The following SMARCA2 variants were observed in gnomAD, a reference collection of about 807,000 sequenced individuals.
SMARCA2 encodes SWI/SNF related BAF chromatin remodeling complex subunit ATPase 2.
Under a neutral mutation model 199.8 loss-of-function variants are expected in SMARCA2, and 61 were observed. The observed-to-expected ratio is 0.31, with a 90% CI of 0.25 to 0.38. The LOEUF (loss-of-function observed/expected upper bound fraction) is 0.38. Ranked by LOEUF, SMARCA2 falls within the 10% of genes least tolerant of loss-of-function variation. The probability of loss-of-function intolerance (pLI) is 1.00; values close to 1 mark genes in which losing one functional copy is unlikely to be tolerated. For missense variants in SMARCA2, 1,344 were observed against 2,012.2 expected, an observed-to-expected ratio of 0.67 and a Z score of 6.35; for synonymous variants, 935 against 732.0, an observed-to-expected ratio of 1.28 and a Z score of -4.48.
At chr9:2,143,492 A>G (rs1824563596) in intron 27 of SMARCA2, among the ~76,000 whole-genome samples, 1 of 152,222 alleles carries the variant, frequency 6.6e-6, no homozygotes, top group African/African-American at 2.4e-5. Context: ...AAGAGGTCAA[A>G]GAAAGGGCAG....
intron 5 of SMARCA2, 24 bp downstream of exon 5, chr9:2,047,508 G>A (rs749630061): frequency 2.2e-6 from 3 of 1,371,134 alleles, no homozygotes; most frequent in South Asian, 1.8e-5. Flanking sequence ...CCAGCAAGGG[G>A]CCCCCTGCGG....
chr9:2,024,751 T>A (rs939883512), intron 1 of SMARCA2, among the ~76,000 whole-genome samples: 9 of 152,216 alleles, frequency 5.9e-5, no homozygotes, highest in African/African-American at 2.2e-4. Flanking sequence ...AGTGTTGGGC[T>A]GGGAGTCAAG....
At chr9:2,084,902 A>G (rs1470678147) in intron 17 of SMARCA2, among the ~76,000 whole-genome samples, 1 of 152,332 alleles carries the variant, frequency 6.6e-6, no homozygotes, top group Middle Eastern at 3.4e-3. Context: ...GTTCATGTAG[A>G]AAGATGGAAG....
At position 2,154,569 on chromosome 9, in the gene SMARCA2, G is replaced by C. The variant is rs538319112; in HGVS notation, c.3982-7117G>C. 6.6e-5 allele frequency among the ~76,000 whole-genome samples: 10 copies of C among 152,228 alleles called. No individual in the cohort carries two copies. The South Asian group carries it at 2.1e-3, about 32-fold the overall frequency. On this transcript the variant is annotated intron_variant, in intron 27 of 33. Transcript: ENST00000349721. Reference sequence around the variant, plus strand: ...GGGTGTAGTGACCTTCTGAAAGTCTGACTTGTTGCAGTAGCGTGGAACCCT... The same window carrying C: ...GGGTGTAGTGACCTTCTGAAAGTCTCACTTGTTGCAGTAGCGTGGAACCCT...
intron 4 of SMARCA2, chr9:2,040,101 A>C (rs1454641048): frequency 2.7e-6 from 3 of 1,103,542 alleles, no homozygotes; most frequent in Non-Finnish European, 3.8e-6. Context: ...AGTGTTTCTT[A>C]ACCTTAAAAG....
At chr9:2,175,826 G>C (rs1416797526) in intron 29 of SMARCA2, among the ~76,000 whole-genome samples, 1 of 152,002 alleles carries the variant, frequency 6.6e-6, no homozygotes, top group Admixed American at 6.6e-5. Context: ...TGTTGAGGTT[G>C]AAGTTGTACT....
chr9:2,093,461 G>A (rs374469649), intron 19 of SMARCA2, among the ~76,000 whole-genome samples: 18 of 152,308 alleles, frequency 1.2e-4, no homozygotes, highest in South Asian at 8.3e-4. Context: ...CAGGGGAAGC[G>A]TGAGAGTGGG....
chr9:2,149,290 G>A (rs1004503477), intron 27 of SMARCA2, among the ~76,000 whole-genome samples: 1 of 151,216 alleles, frequency 6.6e-6, no homozygotes, highest in Non-Finnish European at 1.5e-5. Flanking sequence ...GGCTGAGGCA[G>A]GTGGATCACC....
At chr9:2,090,158 T>G in intron 19 of SMARCA2, among the ~76,000 whole-genome samples, 1 of 152,308 alleles carries the variant, frequency 6.6e-6, no homozygotes, top group South Asian at 2.1e-4. Context: ...ACAAAAATAT[T>G]TATTTTATGG....
At chr9:2,185,874 C>T (rs897474641) in intron 31 of SMARCA2, among the ~76,000 whole-genome samples, 2 of 152,168 alleles carry the variant, frequency 1.3e-5, no homozygotes, top group African/African-American at 4.8e-5. Context: ...AGCATCCATG[C>T]ACTTTGAAAT....
In SMARCA2 at chr9:2,058,350, G is replaced by A. The variant is rs1474546736; in HGVS notation, c.1407G>A (p.Val469=). ...ATTTTAAGGAATATCATCGGTCTGT[G>A]GCCGGAAAGATCCAGAAGCTCTCCA... ...AKDFKEYHRS[V]AGKIQKLSKA... is the part of the protein sequence containing the mutation. Residue 469 remains valine, a synonymous_variant, in exon 8 of 34, where the codon GTG becomes GTA. Transcript: ENST00000349721. 1.2e-6 allele frequency: 2 copies of A among 1,614,060 alleles called. No individual in the cohort carries two copies. Among genetic ancestry groups the A allele is most frequent in the African/African-American group, 2.7e-5 (2 of 74,914 alleles).
intron 23 of SMARCA2, among the ~76,000 whole-genome samples, chr9:2,106,635 C>T (rs1246938194): frequency 6.6e-6 from 1 of 152,098 alleles, no homozygotes; most frequent in South Asian, 2.1e-4. Context: ...AAAATGACTT[C>T]AGATTTTCAT....
intron 19 of SMARCA2, among the ~76,000 whole-genome samples, chr9:2,090,613 A>G (rs1236742566): frequency 6.6e-6 from 1 of 152,206 alleles, no homozygotes; most frequent in East Asian, 1.9e-4. Flanking sequence ...TGGGCACCCA[A>G]CCAATGACAG....
intron 5 of SMARCA2, 143 bp downstream of exon 5, chr9:2,047,627 G>T: frequency 9.7e-7 from 1 of 1,033,876 alleles, no homozygotes; most frequent in Non-Finnish European, 1.2e-6. Context: ...CCACTCCTGG[G>T]GCCTTCCCGG....
chr9:2,176,445 C>G (rs1356706110), intron 29 of SMARCA2, among the ~76,000 whole-genome samples: 1 of 152,080 alleles, frequency 6.6e-6, no homozygotes, highest in Non-Finnish European at 1.5e-5. Flanking sequence ...TGGTGCCTTT[C>G]TTATTGAGCT....
chr9:2,186,378 A>G, intron 32 of SMARCA2, 150 bp downstream of exon 32: 1 of 751,248 alleles, frequency 1.3e-6, no homozygotes, highest in Non-Finnish European at 2.1e-6. Context: ...ACCGGTGGCC[A>G]TGTCCTTATC....
Position 2,148,775 on chromosome 9 carries a change from C to T in SMARCA2, c.3982-12911C>T, listed in dbSNP as rs539925394. Among the ~76,000 whole-genome samples, 15 of 151,594 alleles carry T rather than the reference C, an allele frequency of 9.9e-5. 1 individual carries two copies. In the South Asian group the frequency reaches 2.1e-3, roughly 21 times the overall value. ...CCTCCTGCCTCAGCCTCCCAAAGCA[C>T]TGAGATTACAAGTGTGAGCCACGGT... On this transcript the variant is annotated intron_variant, in intron 27 of 33. Coordinates refer to ENST00000349721, the MANE Select transcript of SMARCA2 (RefSeq NM_003070.5).
intron 27 of SMARCA2, among the ~76,000 whole-genome samples, chr9:2,153,812 G>C (rs944674838): frequency 6.8e-5 from 9 of 132,978 alleles, no homozygotes; most frequent in African/African-American, 3.0e-4. Flanking sequence ...ATGCAAAGCT[G>C]TGTGTGTGTG....
Position 2,170,419 on chromosome 9 carries a change from G to A in SMARCA2, c.4200G>A (p.Arg1400=). ...TAGTGTTCTTTCTACTCTACCGCAG[G>A]TGTAACGTGGAGAAGGTGCCCAGTA... is the stretch of plus-strand genomic sequence containing the variant. The part of the protein sequence containing the change: ...IIDTVINYKD[R]CNVEKVPSNS... Residue 1400 remains arginine, a splice_region_variant and synonymous_variant, in exon 29 of 34, where the codon AGG becomes AGA. Coordinates refer to ENST00000349721, the MANE Select transcript of SMARCA2 (RefSeq NM_003070.5). The surrounding 1 kb of genome is among the most constrained non-coding windows in gnomAD (Gnocchi z 4.7). The A allele has an allele frequency of 3.1e-6, 5 of 1,614,128 alleles. No homozygotes were observed. The highest frequency in any genetic ancestry group is 1.1e-5 in the South Asian group (1 of 91,076).
Sources: allele counts gnomAD v4.1 joint callset (sites outside exome capture counted in the v4.1 genomes callset), GRCh38; gene constraint gnomAD v4.1.1; non-coding constraint Gnocchi (gnomAD v3.1); transcripts MANE v1.5; gene names NCBI Gene and HGNC (gene_info 2026-07-23, HGNC 2026-07-21).